CCNG1: variants seen among roughly 807,000 people sequenced by gnomAD.
CCNG1 encodes the protein cyclin-G1.
CCNG1 carries 13 observed loss-of-function variants against 30.0 expected under a neutral mutation model. The observed-to-expected ratio is 0.43, with a 90% confidence interval of 0.28 to 0.69. The LOEUF is 0.69. Ranked by LOEUF, CCNG1 falls within the 30% of genes least tolerant of loss-of-function variation. The pLI is 0.16. For missense variants in CCNG1, 285 were observed against 331.4 expected (o/e 0.86, Z 1.09); for synonymous variants, 110 against 121.5 (o/e 0.91, Z 0.62).
the CCNG1 span, among the ~76,000 whole-genome samples, chr5:163,455,514 G>A: frequency 5.9e-5 from 9 of 152,224 alleles, no homozygotes; most frequent in South Asian, 2.1e-4. Flanking sequence ...CTGTAATCCC[G>A]GCACTTTGGG....
chr5:163,450,916 T>A (rs1186102605), downstream of CCNG1: 1 of 152,220 alleles, frequency 6.6e-6, no homozygotes, highest in African/African-American at 2.4e-5. Context: ...CTTACAAATG[T>A]ATAAACAAAG....
the CCNG1 span, among the ~76,000 whole-genome samples, chr5:163,456,215 G>A: frequency 1.3e-5 from 2 of 152,138 alleles, no homozygotes; most frequent in Non-Finnish European, 2.9e-5. Context: ...TCATAAAGAC[G>A]TACATTATCA....
intron 2 of CCNG1, 38 bp from the exon 3 acceptor site, chr5:163,441,040 G>C (rs776327852): frequency 2.2e-5 from 34 of 1,573,856 alleles, no homozygotes; most frequent in Middle Eastern, 1.7e-4. Flanking sequence ...AAATAAGGTA[G>C]AGTCATGGGC....
At chr5:163,455,182 T>C in the CCNG1 span, among the ~76,000 whole-genome samples, 1 of 151,666 alleles carries the variant, frequency 6.6e-6, no homozygotes. Flanking sequence ...AATAAAATTA[T>C]ATTTAAATGG....
rs1399258038 is a variant in CCNG1 at position 163,442,703 on chromosome 5, T to C, written c.*3+135T>C. 8 of 673,022 alleles carry C rather than the reference T, an allele frequency of 1.2e-5. No homozygotes were observed. In the Admixed American group the frequency reaches 2.4e-4, roughly 20 times the overall value. 41.7% of individuals were successfully genotyped at this position (673,022 alleles called of 1,614,324 possible). ...GTAAAGGGGGAGATGACATCACTGA[T>C]CTAGTCAGCTAATATTTGAAGGCCT... On this transcript the variant is annotated intron_variant, in intron 6 of 6. Transcript: ENST00000340828.
chr5:163,453,895 A>G, the CCNG1 span: 1 of 756,186 alleles, frequency 1.3e-6, no homozygotes, highest in Non-Finnish European at 2.1e-6. Context: ...TTTTTCTTCC[A>G]TTACATAATC....
At chr5:163,457,440 T>C in the CCNG1 span, 3 of 684,806 alleles carry the variant, frequency 4.4e-6, no homozygotes, top group South Asian at 5.7e-5. Context: ...ACAACGGTTT[T>C]CAACACATTT....
chr5:163,439,599 T>G, intron 2 of CCNG1, 79 bp downstream of exon 2: 4 of 1,310,676 alleles, frequency 3.1e-6, no homozygotes, highest in Non-Finnish European at 3.1e-6. Context: ...CTGGTATTCA[T>G]AAACTTGACC....
rs780734167 is a variant in CCNG1 at position 163,441,264 on chromosome 5, G to A, written c.451G>A (p.Ala151Thr). ...GGAGAAGGTGTGTTGGAAAGTCAAA[G>A]CTACTACTGCCTTTCAATTTCTGCA... ...VLEKVCWKVK[A>T]TTAFQFLQLY... is the part of the protein sequence containing the mutation. The change falls in exon 3 of 7, where the codon GCT (alanine) becomes ACT (threonine). Residue 151 changes from alanine (A) to threonine (T), a missense_variant. Ala to Thr is a moderately conservative substitution (Grantham distance 58). Transcript: ENST00000340828. 94 of 1,613,720 alleles carry A rather than the reference G, an allele frequency of 5.8e-5. No homozygotes were observed. The highest frequency in any genetic ancestry group is 7.4e-5 in the Non-Finnish European group (87 of 1,179,740).
intron 1 of CCNG1, 50 bp from the exon 2 acceptor site, chr5:163,439,207 C>G: frequency 6.5e-7 from 1 of 1,533,794 alleles, no homozygotes; most frequent in Middle Eastern, 2.4e-4. Flanking sequence ...CCAAGGAAAG[C>G]AGGAAGGACT....
chr5:163,457,160 G>A, the CCNG1 span: 3 of 1,329,446 alleles, frequency 2.3e-6, no homozygotes, highest in African/African-American at 4.7e-5. Flanking sequence ...TTTTGAGACA[G>A]TATCACTCTC....
At chr5:163,440,263 A>G (rs1757737570) in intron 2 of CCNG1, among the ~76,000 whole-genome samples, 1 of 152,210 alleles carries the variant, frequency 6.6e-6, no homozygotes, top group South Asian at 2.1e-4. Flanking sequence ...TAAGCTCTTT[A>G]GACATTTCAC....
downstream of CCNG1, chr5:163,449,470 A>G (rs546413973): frequency 7.2e-5 from 11 of 152,382 alleles, no homozygotes; most frequent in African/African-American, 2.4e-4. Context: ...CTGAAATGAA[A>G]GAGGTCCTAA....
Position 163,442,379 on chromosome 5 carries a change from T to C in CCNG1, c.702T>C (p.Asn234=), listed in dbSNP as rs780363085. ...TAAAATTTATGTATGTACAGATAAA[T>C]GGCAGAGATCTGACCTTCTGGCAAG... ...IECLQKHSKI[N]GRDLTFWQEL... is the part of the protein sequence containing the mutation. Residue 234 remains asparagine (N), a synonymous_variant, in exon 6 of 7, where the codon AAT becomes AAC. Transcript: ENST00000340828. 2.5e-6 allele frequency: 4 copies of C among 1,607,070 alleles called. No individual in the cohort carries two copies. Among genetic ancestry groups the C allele is most frequent in the Non-Finnish European group, 3.4e-6 (4 of 1,177,266 alleles).
chr5:163,456,943 T>G, the CCNG1 span: 1 of 1,603,916 alleles, frequency 6.2e-7, no homozygotes, highest in Admixed American at 1.7e-5. Flanking sequence ...TTTTGGAATC[T>G]CTCTAATGTA....
chr5:163,454,484 G>T, the CCNG1 span, among the ~76,000 whole-genome samples: 2 of 152,098 alleles, frequency 1.3e-5, no homozygotes, highest in African/African-American at 4.8e-5. Context: ...TGCGATTACA[G>T]GCATGTACCA....
downstream of CCNG1, among the ~76,000 whole-genome samples, chr5:163,445,421 A>C (rs578004217): frequency 3.9e-5 from 6 of 152,200 alleles, no homozygotes; most frequent in Admixed American, 3.9e-4. Flanking sequence ...AAACAATAAA[A>C]TCCCTATTAA....
In CCNG1 at chr5:163,441,240, G is replaced by C. The variant is rs1223727053; in HGVS notation, c.427G>C (p.Glu143Gln). The C allele has an allele frequency of 6.2e-7, 1 of 1,613,898 alleles. No individual in the cohort carries two copies. The highest frequency in any genetic ancestry group is 8.5e-7 in the Non-Finnish European group (1 of 1,179,910). The change falls in exon 3 of 7, where the codon GAG (glutamate) becomes CAG (glutamine). Residue 143 changes from glutamate to glutamine, a missense_variant. Glu to Gln is a conservative substitution (Grantham distance 29). Transcript: ENST00000340828. ...GATGAGAATGGAAAAGATTGTATTG[G>C]AGAAGGTGTGTTGGAAAGTCAAAGC... Reference protein sequence around the residue: ...DLMRMEKIVLEKVCWKVKATT... With the variant: ...DLMRMEKIVLQKVCWKVKATT...
intron 3 of CCNG1, 150 bp from the exon 4 acceptor site, chr5:163,441,736 G>T: frequency 1.7e-6 from 1 of 603,274 alleles, no homozygotes. Context: ...TAGTATCTCT[G>T]ATGGAAGGGG....
Sources: gnomAD v4.1 joint callset for allele counts (sites outside exome capture counted in the v4.1 genomes callset) on GRCh38, gnomAD v4.1.1 for gene constraint, MANE v1.5 for transcripts, NCBI Gene and HGNC (gene_info 2026-07-23, HGNC 2026-07-21) for gene names.